Variants in PSAT1 observed in about 807,000 individuals in gnomAD.
PSAT1 encodes phosphoserine aminotransferase.
In PSAT1, 41 loss-of-function variants were observed where a neutral mutation model predicts 40.3. The ratio of observed to expected loss-of-function variants is 1.02; its 90% CI spans 0.79 to 1.32. PSAT1 has a LOEUF of 1.32. Ranked by LOEUF, PSAT1 falls within the 40% of genes most tolerant of loss-of-function variation. PSAT1 has a pLI of 0.00. For missense variants in PSAT1, 406 were observed against 455.8 expected (o/e 0.89, Z 0.99); for synonymous variants, 147 against 170.5 (o/e 0.86, Z 1.07).
intron 3 of PSAT1, among the ~76,000 whole-genome samples, chr9:78,304,056 A>C (rs1465320305): frequency 1.3e-5 from 2 of 152,228 alleles, no homozygotes; most frequent in Non-Finnish European, 2.9e-5. Flanking sequence ...CCCCTGCCCA[A>C]CATCCACCTG....
rs925836413 is a variant in PSAT1, at chr9:78,324,995, A to G, written c.870-3056A>G. ...TGTTTCCAGCCATTTCCTTTTTTTA[A>G]TTTACAGTTTGCGTTCAGTGCAAAC... On this transcript the variant is annotated intron_variant, in intron 7 of 8. Coordinates refer to ENST00000376588, the MANE Select transcript of PSAT1 (RefSeq NM_058179.4). Among the ~76,000 whole-genome samples the G allele has an allele frequency of 2.0e-5, 3 of 152,124 alleles. No individual in the cohort carries two copies. The East Asian group carries it at 5.8e-4, about 29-fold the overall frequency.
chr9:78,299,666 C>T (rs1248884681), intron 1 of PSAT1, among the ~76,000 whole-genome samples: 3 of 151,896 alleles, frequency 2.0e-5, no homozygotes, highest in African/African-American at 7.3e-5. Flanking sequence ...GCACCCACCA[C>T]CAAGCCCAGC....
intron 7 of PSAT1, among the ~76,000 whole-genome samples, chr9:78,322,620 T>C (rs1207796267): frequency 6.6e-6 from 1 of 152,120 alleles, no homozygotes; most frequent in Admixed American, 6.6e-5. Flanking sequence ...ATGAGAAAGA[T>C]TTTGTAGTAT....
At chr9:78,319,666 G>C (rs1340419333) in intron 7 of PSAT1, among the ~76,000 whole-genome samples, 1 of 152,218 alleles carries the variant, frequency 6.6e-6, no homozygotes, top group African/African-American at 2.4e-5. Flanking sequence ...CTGGAAAAGG[G>C]GGATACTCTT....
intron 1 of PSAT1, among the ~76,000 whole-genome samples, chr9:78,297,923 C>T (rs945644926): frequency 1.3e-5 from 2 of 152,024 alleles, no homozygotes; most frequent in Non-Finnish European, 2.9e-5. Flanking sequence ...CCCTCCTTGT[C>T]CCCCATAGAA....
chr9:78,309,907 T>C (rs1828241594), intron 6 of PSAT1, among the ~76,000 whole-genome samples: 2 of 152,210 alleles, frequency 1.3e-5, no homozygotes, highest in Admixed American at 1.3e-4. Flanking sequence ...GTCTGTGTGG[T>C]AGGTTCTAGA....
At position 78,299,514 on chromosome 9, in the gene PSAT1, C is replaced by CTTTTT. The variant is rs57722137; in HGVS notation, c.61-1074_61-1070dup. Among the ~76,000 whole-genome samples the CTTTTT allele has an allele frequency of 8.5e-3, 1,005 of 118,474 alleles. 27 individuals carry two copies. The highest frequency in any genetic ancestry group is 0.013 in the Non-Finnish European group (765 of 60,636). The allele number at this position is 118,474 out of a possible 152,430, so 77.7% of individuals were successfully genotyped here. A position where few individuals can be genotyped will look rare whatever the true frequency, so the allele number is the denominator to read the frequency against. ...AGGCAGTCTTTTTTTTAATCTAATT[C>CTTTTT]TTTTTTTTTTTTTTTTTTGAGAGAA... On this transcript the variant is annotated intron_variant, in intron 1 of 8. Coordinates refer to ENST00000376588, the MANE Select transcript of PSAT1 (RefSeq NM_058179.4).
chr9:78,308,648 G>T (rs371229568), intron 6 of PSAT1, 65 bp downstream of exon 6: 42 of 1,579,716 alleles, frequency 2.7e-5, no homozygotes, highest in Non-Finnish European at 3.5e-5. Flanking sequence ...CAAAGCGGAG[G>T]TTACATTTTA....
intron 7 of PSAT1, among the ~76,000 whole-genome samples, chr9:78,326,834 A>G (rs1828503498): frequency 6.6e-6 from 1 of 151,032 alleles, no homozygotes; most frequent in Non-Finnish European, 1.5e-5. Context: ...ATTTGGAGCC[A>G]GATGGTCTAC....
At chr9:78,300,416 G>A (rs571001862) in intron 1 of PSAT1, among the ~76,000 whole-genome samples, 186 bp from the exon 2 acceptor site, 1 of 152,210 alleles carries the variant, frequency 6.6e-6, no homozygotes, top group South Asian at 2.1e-4. Flanking sequence ...TGCTTACCTT[G>A]TGTGTAAGTT....
chr9:78,313,567 A>G (rs1828297441), intron 6 of PSAT1, among the ~76,000 whole-genome samples: 1 of 152,192 alleles, frequency 6.6e-6, no homozygotes, highest in Admixed American at 6.5e-5. Flanking sequence ...TGTTCTGTGA[A>G]TTCTATTTTT....
rs1828181852 is a variant in PSAT1 at position 78,306,307 on chromosome 9, G to A, written c.398-7G>A. The stretch of plus-strand genomic sequence containing the variant: ...GTGCAAAGTCTCAAACTTGTCTTCT[G>A]TGATAGAAATTCCAGATCCAAGCAC... On this transcript the variant is annotated splice_region_variant and splice_polypyrimidine_tract_variant and intron_variant, in intron 4 of 8. Transcript: ENST00000376588. The A allele has an allele frequency of 6.2e-7, 1 of 1,612,070 alleles. No homozygotes were observed. The highest frequency in any genetic ancestry group is 8.5e-7 in the Non-Finnish European group (1 of 1,179,862).
intron 1 of PSAT1, among the ~76,000 whole-genome samples, chr9:78,298,595 G>A (rs1587631008): frequency 6.6e-6 from 1 of 152,160 alleles, no homozygotes; most frequent in African/African-American, 2.4e-5. Flanking sequence ...TGTTCCCAAC[G>A]TTTGTTCCCT....
Position 78,328,987 on chromosome 9 carries a change from G to A in PSAT1, c.1014G>A (p.Val338=), listed in dbSNP as rs1828541798. The change falls in exon 9 of 9, where the codon GTG becomes GTA. Residue 338 remains valine (V), a synonymous_variant. Transcript: ENST00000376588. ...GGATCTTTGGTCATTCTAGGTCTGT[G>A]GGAGGCATCCGGGCCTCTCTGTATA... is the stretch of plus-strand genomic sequence containing the variant. ...NMLSLKGHRS[V]GGIRASLYNA... 1 of 1,613,296 alleles carries A rather than the reference G, an allele frequency of 6.2e-7. No individual in the cohort carries two copies. The highest frequency in any genetic ancestry group is 2.2e-5 in the East Asian group (1 of 44,876).
At chr9:78,308,884 G>A (rs1292597442) in intron 6 of PSAT1, among the ~76,000 whole-genome samples, 2 of 152,194 alleles carry the variant, frequency 1.3e-5, no homozygotes, top group Non-Finnish European at 2.9e-5. Flanking sequence ...GAACCGGGGA[G>A]GTGGAGATTG....
chr9:78,328,851 T>A lies in PSAT1; in HGVS notation c.1008-130T>A, dbSNP rs533978022. On this transcript the variant is annotated intron_variant, in intron 8 of 8. Transcript: ENST00000376588. ...GAAGCTCTGTGCCAGGTGTCGGGAGTTTTTAGGTAGGAGACCGGAAATGAT... is the reference window on the plus strand; with the variant it reads ...GAAGCTCTGTGCCAGGTGTCGGGAGATTTTAGGTAGGAGACCGGAAATGAT... 101 of 749,010 alleles carry A rather than the reference T, an allele frequency of 1.3e-4. No individual in the cohort carries two copies. The East Asian group carries it at 1.7e-3, about 13-fold the overall frequency. 46.4% of individuals were successfully genotyped at this position (749,010 alleles called of 1,614,324 possible).
At chr9:78,303,444 C>T (rs1828136848) in intron 3 of PSAT1, among the ~76,000 whole-genome samples, 1 of 152,128 alleles carries the variant, frequency 6.6e-6, no homozygotes, top group African/African-American at 2.4e-5. Flanking sequence ...TATGAACTTC[C>T]TCTGACTGGG....
rs748711682 is a variant in PSAT1, at chr9:78,328,998, G to A, written c.1025G>A (p.Arg342Gln). ...LKGHRSVGGI[R>Q]ASLYNAVTIE... ...CATTCTAGGTCTGTGGGAGGCATCC[G>A]GGCCTCTCTGTATAATGCTGTCACA... The change falls in exon 9 of 9, where the codon CGG (arginine) becomes CAG (glutamine). Residue 342 changes from arginine (R) to glutamine (Q), a missense_variant. Arg to Gln is a conservative substitution (Grantham distance 43). Coordinates refer to ENST00000376588, the MANE Select transcript of PSAT1 (RefSeq NM_058179.4). 7.4e-6 allele frequency: 12 copies of A among 1,613,620 alleles called. No individual in the cohort carries two copies. Among genetic ancestry groups the A allele is most frequent in the African/African-American group, 2.7e-5 (2 of 74,882 alleles).
chr9:78,328,144 T>C lies in PSAT1; in HGVS notation c.963T>C (p.Leu321=). ...ATGATGCTTTAGAAAAAAGATTTCTTGATAAAGCTCTTGAACTCAATATGT... is the reference window on the plus strand; with the variant it reads ...ATGATGCTTTAGAAAAAAGATTTCTCGATAAAGCTCTTGAACTCAATATGT... The part of the protein sequence containing the change: ...KGDDALEKRF[L]DKALELNMLS... The change falls in exon 8 of 9, where the codon CTT becomes CTC. Residue 321 remains leucine, a synonymous_variant. Coordinates refer to ENST00000376588, the MANE Select transcript of PSAT1 (RefSeq NM_058179.4). The C allele has an allele frequency of 4.3e-6, 7 of 1,613,588 alleles. No individual in the cohort carries two copies. The highest frequency in any genetic ancestry group is 5.9e-6 in the Non-Finnish European group (7 of 1,179,996).
Sources: gnomAD v4.1 joint callset for allele counts (sites outside exome capture counted in the v4.1 genomes callset) on GRCh38, gnomAD v4.1.1 for gene constraint, MANE v1.5 for transcripts, NCBI Gene and HGNC (gene_info 2026-07-23, HGNC 2026-07-21) for gene names.